TACR1: variants seen among roughly 807,000 people sequenced by gnomAD.
The protein encoded by TACR1 is tachykinin receptor 1.
In TACR1, 25 loss-of-function variants were observed where a neutral mutation model predicts 35.8. The ratio of observed to expected loss-of-function variants is 0.70; its 90% CI spans 0.51 to 0.98. The LOEUF (loss-of-function observed/expected upper bound fraction) is 0.98, where lower values mean the gene tolerates loss of function less well. Ranked by LOEUF, TACR1 falls within the 50% of genes least tolerant of loss-of-function variation. TACR1 has a pLI of 0.00. For missense variants in TACR1, 478 were observed against 522.9 expected (o/e 0.91, Z 0.84); for synonymous variants, 195 against 206.7 (o/e 0.94, Z 0.48).
chr2:75,146,444 G>C (rs1004861194), intron 1 of TACR1, among the ~76,000 whole-genome samples: 21 of 152,154 alleles, frequency 1.4e-4, no homozygotes, highest in Non-Finnish European at 2.5e-4. Context: ...AGAAACCAAA[G>C]AAGACAGCCT....
chr2:75,091,259 TAACTCATG>T (rs951455853), intron 2 of TACR1, among the ~76,000 whole-genome samples: 2 of 134,122 alleles, frequency 1.5e-5, no homozygotes, highest in Non-Finnish European at 3.2e-5. Flanking sequence ...AACTCTACCA[TAACTCATG>T]GTGAACTCGG....
chr2:75,178,240 A>T (rs1355434105), intron 1 of TACR1, among the ~76,000 whole-genome samples: 1 of 150,502 alleles, frequency 6.6e-6, no homozygotes, highest in African/African-American at 2.5e-5. Context: ...GCTGGAGTGC[A>T]GTGGTGTCAT....
rs1359449754 is a variant in TACR1 at position 75,123,439 on chromosome 2, G to A, written c.390-2671C>T. ...GAATCTAATGTGACTGGGCTTACGG[G>A]GGATTGCACCAGCGTATTGGCACTG... On this transcript the variant is annotated intron_variant, in intron 1 of 4. Coordinates refer to ENST00000305249, the MANE Select transcript of TACR1 (RefSeq NM_001058.4). 5.3e-5 allele frequency among the ~76,000 whole-genome samples: 8 copies of A among 152,278 alleles called. No individual in the cohort carries two copies. In the East Asian group the frequency reaches 1.5e-3, roughly 29 times the overall value.
chr2:75,086,983 A>C (rs1213314479), intron 2 of TACR1, among the ~76,000 whole-genome samples: 1 of 152,220 alleles, frequency 6.6e-6, no homozygotes, highest in Non-Finnish European at 1.5e-5. Flanking sequence ...TATGGTAGCC[A>C]CATGTGGCCA....
chr2:75,138,687 C>A (rs974049437), intron 1 of TACR1, among the ~76,000 whole-genome samples: 8 of 152,138 alleles, frequency 5.3e-5, no homozygotes, highest in African/African-American at 1.9e-4. Context: ...TCTGCCTCTC[C>A]TGGCTCTGTC....
chr2:75,104,796 A>G (rs983857981), intron 2 of TACR1, among the ~76,000 whole-genome samples: 1 of 152,132 alleles, frequency 6.6e-6, no homozygotes, highest in African/African-American at 2.4e-5. Flanking sequence ...GCTCAGCAGC[A>G]CTAATCATCA....
At chr2:75,170,443 A>G (rs1273867553) in intron 1 of TACR1, among the ~76,000 whole-genome samples, 1 of 152,192 alleles carries the variant, frequency 6.6e-6, no homozygotes, top group Non-Finnish European at 1.5e-5. Flanking sequence ...TATTAGCAGC[A>G]TGAGAACAGA....
chr2:75,070,072 A>G (rs1403747074), intron 2 of TACR1, among the ~76,000 whole-genome samples: 1 of 152,102 alleles, frequency 6.6e-6, no homozygotes, highest in Admixed American at 6.6e-5. Flanking sequence ...TTATTTATTC[A>G]TTCATTCCTT....
At position 75,047,135 on chromosome 2, in the gene TACR1, C is replaced by G. The variant is rs564315935; in HGVS notation, c.*2297G>C. The G allele has an allele frequency of 2.6e-5, 4 of 152,362 alleles. No homozygotes were observed. The highest frequency in any genetic ancestry group is 2.0e-4 in the Admixed American group (3 of 15,308). The allele number at this position is 152,362 out of a possible 1,614,324, so 9.4% of individuals were successfully genotyped here. A position where few individuals can be genotyped will look rare whatever the true frequency, so the allele number is the denominator to read the frequency against. ...CCGGACCACCCAACATTCCCTCTTA[C>G]TATGCACAGAGATGATACTGTTCAA... is the stretch of plus-strand genomic sequence containing the variant. On this transcript the variant is annotated 3_prime_UTR_variant, in exon 5 of 5. Transcript: ENST00000305249.
chr2:75,136,158 C>T (rs1480389526), intron 1 of TACR1, among the ~76,000 whole-genome samples: 1 of 152,168 alleles, frequency 6.6e-6, no homozygotes, highest in Non-Finnish European at 1.5e-5. Flanking sequence ...CACATCATCT[C>T]ACAGGGCACA....
intron 2 of TACR1, among the ~76,000 whole-genome samples, chr2:75,083,151 T>C (rs1437260242): frequency 2.6e-5 from 4 of 152,180 alleles, no homozygotes; most frequent in African/African-American, 7.2e-5. Flanking sequence ...TATGGCTAGC[T>C]AGTTTTCCCA....
intron 2 of TACR1, among the ~76,000 whole-genome samples, chr2:75,109,645 C>A (rs565405168): frequency 3.9e-5 from 6 of 152,152 alleles, no homozygotes; most frequent in Admixed American, 3.9e-4. Context: ...ATACTTCTTT[C>A]AAATGAAAAC....
chr2:75,079,530 A>T (rs1673041912), intron 2 of TACR1, among the ~76,000 whole-genome samples: 1 of 152,054 alleles, frequency 6.6e-6, no homozygotes, highest in Non-Finnish European at 1.5e-5. Context: ...CTCCTAATGT[A>T]ACCCTACACC....
chr2:75,063,117 A>G (rs1283139582), intron 2 of TACR1, among the ~76,000 whole-genome samples: 1 of 152,224 alleles, frequency 6.6e-6, no homozygotes, highest in Non-Finnish European at 1.5e-5. Flanking sequence ...TATCACGAGA[A>G]CAGCATGGGA....
intron 1 of TACR1, among the ~76,000 whole-genome samples, chr2:75,151,292 C>T (rs1444712430): frequency 6.6e-6 from 1 of 152,178 alleles, no homozygotes; most frequent in East Asian, 1.9e-4. Flanking sequence ...CATGGCAGCC[C>T]CTCCGATCAC....
chr2:75,191,892 G>A (rs187131486), intron 1 of TACR1, among the ~76,000 whole-genome samples: 1 of 152,062 alleles, frequency 6.6e-6, no homozygotes, highest in Non-Finnish European at 1.5e-5. Context: ...CTGGGAACAG[G>A]AAACAAAATA....
At position 75,199,202 on chromosome 2, in the gene TACR1, C is replaced by G. The variant is rs1445144731; in HGVS notation, c.-268G>C. 6.7e-6 allele frequency: 3 copies of G among 447,770 alleles called. No homozygotes were observed. Among genetic ancestry groups the G allele is most frequent in the Admixed American group, 3.4e-5 (1 of 29,318 alleles). 27.7% of individuals were successfully genotyped at this position (447,770 alleles called of 1,614,324 possible). A position where few individuals can be genotyped will look rare whatever the true frequency, so the allele number is the denominator to read the frequency against. On this transcript the variant is annotated 5_prime_UTR_variant, in exon 1 of 5. Coordinates refer to ENST00000305249, the MANE Select transcript of TACR1 (RefSeq NM_001058.4). Reference sequence around the variant, plus strand: ...GAGTTCAGAAGTCTGGAGACAGCATCTCTCTTGCGGTAAACTGAAAAAGGG... The same window carrying G: ...GAGTTCAGAAGTCTGGAGACAGCATGTCTCTTGCGGTAAACTGAAAAAGGG...
chr2:75,117,552 G>A (rs1165438719), intron 2 of TACR1, among the ~76,000 whole-genome samples: 3 of 152,252 alleles, frequency 2.0e-5, no homozygotes, highest in East Asian at 3.9e-4. Context: ...CTTCATATAG[G>A]TTATTTTTAC....
chr2:75,102,068 G>A (rs1190383533), intron 2 of TACR1, among the ~76,000 whole-genome samples: 2 of 152,220 alleles, frequency 1.3e-5, no homozygotes, highest in Non-Finnish European at 2.9e-5. Flanking sequence ...GTGCCATGGG[G>A]TTTGTCCTCT....
Sources: allele counts gnomAD v4.1 joint callset (sites outside exome capture counted in the v4.1 genomes callset), GRCh38; gene constraint gnomAD v4.1.1; transcripts MANE v1.5; gene names NCBI Gene and HGNC (gene_info 2026-07-23, HGNC 2026-07-21).